ME3: variants seen among roughly 807,000 people sequenced by gnomAD.
The protein encoded by ME3 is malic enzyme 3.
Under a neutral mutation model 68.9 loss-of-function variants are expected in ME3, and 48 were observed. That is an observed-to-expected ratio of 0.70 (90% CI 0.55 to 0.89). The LOEUF is 0.89. Among genes scored for constraint, ME3 ranks in the 40% least tolerant of loss-of-function variants. The pLI is 0.00. For synonymous variants in ME3, 320 were observed against 318.8 expected (o/e 1.00, Z -0.04); for missense variants, 675 against 797.4 (o/e 0.85, Z 1.85).
intron 11 of ME3, 118 bp from the exon 12 acceptor site, chr11:86,447,325 A>G (rs1949367945): frequency 7.3e-7 from 1 of 1,363,430 alleles, no homozygotes; most frequent in Non-Finnish European, 1.0e-6. Flanking sequence ...TGGGCCCAGC[A>G]TCTGCCACAA....
chr11:86,562,732 T>C (rs1306081675), intron 2 of ME3, among the ~76,000 whole-genome samples: 2 of 152,054 alleles, frequency 1.3e-5, no homozygotes, highest in Non-Finnish European at 2.9e-5. Flanking sequence ...ACAGGAATAT[T>C]GTATGATGCT....
In ME3 at chr11:86,613,514, A is replaced by G. The variant is rs547838692; in HGVS notation, c.184-53691T>C. 3.3e-5 allele frequency among the ~76,000 whole-genome samples: 5 copies of G among 152,336 alleles called. No homozygotes were observed. The South Asian group carries it at 1.0e-3, about 32-fold the overall frequency. On this transcript the variant is annotated intron_variant, in intron 2 of 14. Transcript: ENST00000543262. Reference sequence around the variant, plus strand: ...AAATAAAGCATATTCAAATAAGAAGAGAGGAAGTCAAATTGTCTCTATCTG... The same window carrying G: ...AAATAAAGCATATTCAAATAAGAAGGGAGGAAGTCAAATTGTCTCTATCTG...
intron 4 of ME3, among the ~76,000 whole-genome samples, chr11:86,518,191 T>C (rs1384808627): frequency 6.6e-6 from 1 of 152,080 alleles, no homozygotes; most frequent in East Asian, 1.9e-4. Flanking sequence ...ATCTCGTTAA[T>C]TGATTATTTA....
intron 2 of ME3, among the ~76,000 whole-genome samples, chr11:86,621,976 C>T (rs560231665): frequency 7.5e-4 from 114 of 152,024 alleles, no homozygotes; most frequent in African/African-American, 2.7e-3. Flanking sequence ...AGGAAAGTTT[C>T]AACTTCCAGC....
At chr11:86,555,738 CATG>C (rs547923149) in intron 4 of ME3, among the ~76,000 whole-genome samples, 98 of 152,302 alleles carry the variant, frequency 6.4e-4, no homozygotes, top group Admixed American at 2.0e-3. Flanking sequence ...GTTTTGAATC[CATG>C]ATTACATGTT....
chr11:86,542,500 A>G lies in ME3; in HGVS notation c.467+14053T>C, dbSNP rs1293994799. 1.3e-5 allele frequency among the ~76,000 whole-genome samples: 2 copies of G among 152,246 alleles called. 1 individual carries two copies. Among genetic ancestry groups the G allele is most frequent in the Admixed American group, 1.3e-4 (2 of 15,288 alleles). On this transcript the variant is annotated intron_variant, in intron 4 of 14. Coordinates refer to ENST00000543262, the Ensembl canonical transcript of ME3. Reference sequence around the variant, plus strand: ...CTGAAACACACAGCATGAGAACTTCATGAACAATACACAAGTATCAACAGC... The same window carrying G: ...CTGAAACACACAGCATGAGAACTTCGTGAACAATACACAAGTATCAACAGC...
rs191589909 is a variant in ME3, at chr11:86,663,549, C to T, written c.183+8213G>A. ...AGGATTTCCCGATATACTTTCTACA[C>T]ATCAAAGTGAAGGTTTTTGAAACTG... On this transcript the variant is annotated intron_variant, in intron 2 of 14. Transcript: ENST00000543262. Among the ~76,000 whole-genome samples, 10 of 152,318 alleles carry T rather than the reference C, an allele frequency of 6.6e-5. No homozygotes were observed. In the East Asian group the frequency reaches 1.9e-3, roughly 29 times the overall value.
chr11:86,601,162 G>C (rs1379838314), intron 2 of ME3, among the ~76,000 whole-genome samples: 8 of 141,330 alleles, frequency 5.7e-5, no homozygotes, highest in African/African-American at 1.4e-4. Flanking sequence ...ATGAATCCAG[G>C]AGCTGGTTTT....
At chr11:86,672,343 G>T in exon 1 of ME3, 1 of 179,080 alleles carries the variant, frequency 5.6e-6, no homozygotes, top group Non-Finnish European at 1.2e-5. Flanking sequence ...TCGGGGAGCT[G>T]AGGTCTACGC....
At chr11:86,653,610 A>C (rs1341685538) in intron 2 of ME3, among the ~76,000 whole-genome samples, 1 of 152,246 alleles carries the variant, frequency 6.6e-6, no homozygotes, top group Non-Finnish European at 1.5e-5. Context: ...GTAGAGGGAA[A>C]TTTATAGCAC....
intron 2 of ME3, among the ~76,000 whole-genome samples, chr11:86,592,353 G>A (rs190650001): frequency 1.3e-5 from 2 of 152,262 alleles, no homozygotes; most frequent in East Asian, 1.9e-4. Flanking sequence ...AGGCCTTGAG[G>A]GGGGGAAATA....
intron 4 of ME3, among the ~76,000 whole-genome samples, chr11:86,552,921 C>A (rs1472372329): frequency 1.3e-5 from 2 of 152,078 alleles, no homozygotes; most frequent in Admixed American, 6.5e-5. Context: ...AGGGATGTGG[C>A]CTGGGAGAGG....
chr11:86,546,620 C>T (rs1179092577), intron 4 of ME3, among the ~76,000 whole-genome samples: 4 of 152,134 alleles, frequency 2.6e-5, no homozygotes, highest in South Asian at 2.1e-4. Flanking sequence ...AATGAGATAC[C>T]ATCTCATGCC....
intron 2 of ME3, among the ~76,000 whole-genome samples, chr11:86,568,895 G>A (rs1200731960): frequency 1.3e-5 from 2 of 152,182 alleles, no homozygotes; most frequent in African/African-American, 2.4e-5. Flanking sequence ...ACAGGTCCTG[G>A]TCACTGTCCT....
intron 3 of ME3, among the ~76,000 whole-genome samples, chr11:86,557,932 C>T (rs1402818592): frequency 6.6e-6 from 1 of 152,084 alleles, no homozygotes; most frequent in East Asian, 1.9e-4. Context: ...AAAGATTTAC[C>T]AGCACACCAC....
rs146899940 is a variant in ME3 at position 86,596,181 on chromosome 11, A to AT, written c.184-36359dup. The stretch of plus-strand genomic sequence containing the variant: ...AATTACATATTTGAAGGGATTATTC[A>AT]TTTTTTTCCAATGGAAAGCATACAT... On this transcript the variant is annotated intron_variant, in intron 2 of 14. Coordinates refer to ENST00000543262, the Ensembl canonical transcript of ME3. Among the ~76,000 whole-genome samples the AT allele has an allele frequency of 5.7e-3, 874 of 152,230 alleles. 4 individuals carry two copies. The highest frequency in any genetic ancestry group is 0.02 in the African/African-American group (835 of 41,526).
At chr11:86,531,131 A>C (rs1010617026) in intron 4 of ME3, among the ~76,000 whole-genome samples, 1 of 152,064 alleles carries the variant, frequency 6.6e-6, no homozygotes, top group Non-Finnish European at 1.5e-5. Context: ...GAATCTACAA[A>C]GAACTCAAAC....
At chr11:86,615,945 A>G (rs1375772987) in intron 2 of ME3, among the ~76,000 whole-genome samples, 4 of 152,242 alleles carry the variant, frequency 2.6e-5, no homozygotes, top group South Asian at 4.1e-4. Flanking sequence ...TCCTAATTGC[A>G]TAGAATGCAT....
At chr11:86,600,002 A>G (rs1342921036) in intron 2 of ME3, among the ~76,000 whole-genome samples, 1 of 152,228 alleles carries the variant, frequency 6.6e-6, no homozygotes, top group Non-Finnish European at 1.5e-5. Context: ...TCATGCCAAA[A>G]TGTAAAGACT....
Sources: gnomAD v4.1 joint callset for allele counts (sites outside exome capture counted in the v4.1 genomes callset) on GRCh38, gnomAD v4.1.1 for gene constraint, MANE v1.5 for transcripts, NCBI Gene and HGNC (gene_info 2026-07-23, HGNC 2026-07-21) for gene names.